The following THEMIS variants were observed in gnomAD, a reference collection of about 807,000 sequenced individuals.
THEMIS encodes thymocyte selection associated.
In THEMIS, 37 loss-of-function variants were observed where a neutral mutation model predicts 52.6. The observed-to-expected ratio is 0.70, with a 90% CI of 0.54 to 0.93. THEMIS has a LOEUF of 0.93. Among genes scored for constraint, THEMIS ranks in the 40% least tolerant of loss-of-function variants. The pLI is 0.00. For missense variants in THEMIS, 808 were observed against 763.1 expected, an observed-to-expected ratio of 1.06 and a Z score of -0.69; for synonymous variants, 292 against 272.7, an observed-to-expected ratio of 1.07 and a Z score of -0.70.
chr6:127,766,005 CTT>C (rs1776185940), intron 4 of THEMIS, among the ~76,000 whole-genome samples: 1 of 152,096 alleles, frequency 6.6e-6, no homozygotes, highest in South Asian at 2.1e-4. Flanking sequence ...TAGAGCAATA[CTT>C]TATTGAGTGG....
At chr6:127,883,328 G>T (rs1270049374) in intron 1 of THEMIS, among the ~76,000 whole-genome samples, 1 of 151,562 alleles carries the variant, frequency 6.6e-6, no homozygotes, top group African/African-American at 2.4e-5. Context: ...ACAAACAGGA[G>T]ACCCTAAAAA....
chr6:127,792,327 G>A (rs1028244172), intron 4 of THEMIS, among the ~76,000 whole-genome samples: 2 of 152,184 alleles, frequency 1.3e-5, no homozygotes, highest in African/African-American at 4.8e-5. Context: ...GTGTTCTGTT[G>A]GCAAGAGACC....
chr6:127,723,261 A>AAGACTTCAACTTGTTTTACCTGCC (rs1774425503), intron 4 of THEMIS, among the ~76,000 whole-genome samples: 1 of 151,924 alleles, frequency 6.6e-6, no homozygotes, highest in Non-Finnish European at 1.5e-5. Flanking sequence ...TTCAATCTGG[A>AAGACTTCAACTTGTTTTACCTGCC]AGACTTCAAC....
intron 4 of THEMIS, among the ~76,000 whole-genome samples, chr6:127,802,871 G>A (rs1777582653): frequency 6.6e-6 from 1 of 152,086 alleles, no homozygotes; most frequent in African/African-American, 2.4e-5. Flanking sequence ...CTGTCCCTGT[G>A]GAGAACCCTG....
rs1777965944 is a variant in THEMIS at position 127,812,984 on chromosome 6, G to T, written c.1657C>A (p.Pro553Thr). The T allele has an allele frequency of 2.5e-6, 4 of 1,613,954 alleles. No individual in the cohort carries two copies. Among genetic ancestry groups the T allele is most frequent in the Non-Finnish European group, 3.4e-6 (4 of 1,180,008 alleles). The change falls in exon 4 of 6, where the codon CCC (proline) becomes ACC (threonine). Residue 553 changes from proline to threonine, a missense_variant. Pro to Thr is a conservative substitution (Grantham distance 38). Coordinates refer to ENST00000368248, the MANE Select transcript of THEMIS (RefSeq NM_001010923.3). The stretch of plus-strand genomic sequence containing the variant: ...GGGTGTTTCGGAGGGCGAGGTGGGG[G>T]ATGTGAGGCTGAGCTTTCATATCTC... ...MRRYESSASHPPPRPPKHPSV... is the reference protein window; with the variant it reads ...MRRYESSASHTPPRPPKHPSV...
chr6:127,853,976 T>C (rs1025365862), intron 2 of THEMIS, among the ~76,000 whole-genome samples: 3 of 151,718 alleles, frequency 2.0e-5, no homozygotes, highest in African/African-American at 4.8e-5. Context: ...AACACAAGTA[T>C]ACTTCCATCA....
At chr6:127,856,105 G>T (rs1036907455) in intron 1 of THEMIS, among the ~76,000 whole-genome samples, 1 of 151,996 alleles carries the variant, frequency 6.6e-6, no homozygotes, top group African/African-American at 2.4e-5. Flanking sequence ...TGACTTCCAA[G>T]ATGATTTACG....
intron 4 of THEMIS, among the ~76,000 whole-genome samples, chr6:127,773,334 C>A (rs1465609452): frequency 6.6e-6 from 1 of 152,056 alleles, no homozygotes; most frequent in African/African-American, 2.4e-5. Flanking sequence ...GGCTAATATG[C>A]CAAATTCTAA....
intron 4 of THEMIS, among the ~76,000 whole-genome samples, chr6:127,808,244 A>T (rs1004691047): frequency 3.0e-4 from 46 of 152,268 alleles, no homozygotes; most frequent in African/African-American, 1.0e-3. Context: ...AGACCCTTTC[A>T]TCAGAATACA....
chr6:127,751,875 T>C (rs901229490), intron 4 of THEMIS, among the ~76,000 whole-genome samples: 5 of 151,598 alleles, frequency 3.3e-5, no homozygotes, highest in Non-Finnish European at 4.4e-5. Context: ...GAACCTTCCA[T>C]CCAACAGCAG....
chr6:127,808,917 A>G lies in THEMIS; in HGVS notation c.1758+3966T>C, dbSNP rs1583300664. 2.0e-5 allele frequency among the ~76,000 whole-genome samples: 3 copies of G among 152,218 alleles called. No homozygotes were observed. The East Asian group carries it at 5.8e-4, about 29-fold the overall frequency. On this transcript the variant is annotated intron_variant, in intron 4 of 5. Coordinates refer to ENST00000368248, the MANE Select transcript of THEMIS (RefSeq NM_001010923.3). Reference sequence around the variant, plus strand: ...GATGAGCTTGTAGTGTTCATAACCAACCGCAGATACCTGCTATAGGTTAAT... The same window carrying G: ...GATGAGCTTGTAGTGTTCATAACCAGCCGCAGATACCTGCTATAGGTTAAT...
intron 4 of THEMIS, among the ~76,000 whole-genome samples, chr6:127,747,190 A>ATATTATATAAAATTGTATATAGATAT (rs1775472953): frequency 2.9e-5 from 4 of 136,570 alleles, no homozygotes; most frequent in African/African-American, 1.1e-4. Flanking sequence ...ATCTATAATT[A>ATATTATATAAAATTGTATATAGATAT]CAGATATCTA....
At chr6:127,799,762 A>C (rs1208461643) in intron 4 of THEMIS, among the ~76,000 whole-genome samples, 1 of 152,150 alleles carries the variant, frequency 6.6e-6, no homozygotes, top group East Asian at 1.9e-4. Context: ...ATTGATAGAG[A>C]TAGAGATCTC....
chr6:127,830,067 T>G (rs1433146550), intron 2 of THEMIS, 133 bp from the exon 3 acceptor site: 3 of 670,072 alleles, frequency 4.5e-6, no homozygotes, highest in Non-Finnish European at 7.4e-6. Context: ...AGATTAGAGA[T>G]GCTTATTTTA....
At chr6:127,905,965 AT>A (rs1486231316), upstream of THEMIS, among the ~76,000 whole-genome samples, 3 of 146,300 alleles carry the variant, frequency 2.1e-5, no homozygotes, top group African/African-American at 8.2e-5. Flanking sequence ...TTACATTTAA[AT>A]GAAATAATTT....
intron 4 of THEMIS, among the ~76,000 whole-genome samples, chr6:127,732,045 G>T (rs1297318999): frequency 1.3e-5 from 2 of 149,746 alleles, no homozygotes; most frequent in African/African-American, 4.9e-5. Context: ...ATTAATTTTG[G>T]TGAATCTTAA....
At chr6:127,865,907 G>A (rs1412108845) in intron 1 of THEMIS, among the ~76,000 whole-genome samples, 1 of 152,010 alleles carries the variant, frequency 6.6e-6, no homozygotes, top group Non-Finnish European at 1.5e-5. Flanking sequence ...TTGGCAGTGA[G>A]GTTTTTACTT....
intron 5 of THEMIS, among the ~76,000 whole-genome samples, chr6:127,715,684 C>G (rs940995357): frequency 6.6e-6 from 1 of 151,828 alleles, no homozygotes; most frequent in Non-Finnish European, 1.5e-5. Context: ...GGAGAGCTTT[C>G]CCAGGGAGTT....
intron 3 of THEMIS, among the ~76,000 whole-genome samples, chr6:127,820,544 C>A (rs1275072789): frequency 6.6e-6 from 1 of 152,038 alleles, no homozygotes; most frequent in Non-Finnish European, 1.5e-5. Flanking sequence ...TGTATAACTA[C>A]TTCAGGAGGA....
Sources: allele counts gnomAD v4.1 joint callset (sites outside exome capture counted in the v4.1 genomes callset), GRCh38; gene constraint gnomAD v4.1.1; transcripts MANE v1.5; gene names NCBI Gene and HGNC (gene_info 2026-07-23, HGNC 2026-07-21).